DGLUCY: variants seen among roughly 807,000 people sequenced by gnomAD.
The protein encoded by DGLUCY is D-glutamate cyclase.
Under a neutral mutation model 58.5 loss-of-function variants are expected in DGLUCY, and 58 were observed. That is an observed-to-expected ratio of 0.99 (90% CI 0.80 to 1.23). The LOEUF is 1.23. Ranked by LOEUF, DGLUCY falls within the 50% of genes most tolerant of loss-of-function variation. The pLI, the probability that DGLUCY is intolerant of heterozygous loss-of-function variation, is 0.00. For synonymous variants in DGLUCY, 325 were observed against 314.1 expected (o/e 1.03, Z -0.37); for missense variants, 779 against 784.7 (o/e 0.99, Z 0.09).
intron 12 of DGLUCY, among the ~76,000 whole-genome samples, chr14:91,205,669 C>T (rs1343686303): frequency 6.6e-6 from 1 of 152,060 alleles, no homozygotes; most frequent in Non-Finnish European, 1.5e-5. Flanking sequence ...CAACCAAGTT[C>T]TCACAATGGA....
chr14:91,088,436 C>T (rs148568378), intron 1 of DGLUCY, among the ~76,000 whole-genome samples: 1 of 152,248 alleles, frequency 6.6e-6, no homozygotes, highest in East Asian at 1.9e-4. Flanking sequence ...TCTACTCAGT[C>T]ACTAGGACAG....
chr14:91,180,402 T>C (rs1275429428), intron 7 of DGLUCY, among the ~76,000 whole-genome samples: 1 of 151,088 alleles, frequency 6.6e-6, no homozygotes, highest in Non-Finnish European at 1.5e-5. Context: ...TAAAACACTG[T>C]CTCTACTAAA....
At chr14:91,218,603 A>G (rs1490859242) in intron 13 of DGLUCY, among the ~76,000 whole-genome samples, 2 of 151,894 alleles carry the variant, frequency 1.3e-5, no homozygotes, top group African/African-American at 4.8e-5. Flanking sequence ...GGGTTTCACC[A>G]TGTTGGCCAG....
chr14:91,086,135 T>A (rs2044214348), intron 1 of DGLUCY, among the ~76,000 whole-genome samples: 2 of 152,186 alleles, frequency 1.3e-5, no homozygotes, highest in Non-Finnish European at 2.9e-5. Context: ...TAATGCCTGA[T>A]GATCTGTCAC....
At chr14:91,086,596 T>TC (rs1206620398) in intron 1 of DGLUCY, among the ~76,000 whole-genome samples, 3 of 152,194 alleles carry the variant, frequency 2.0e-5, no homozygotes, top group African/African-American at 4.8e-5. Context: ...CATTTTTTTT[T>TC]CTGAATAATT....
chr14:91,132,361 T>TC (rs2046068711), intron 1 of DGLUCY, among the ~76,000 whole-genome samples: 1 of 152,104 alleles, frequency 6.6e-6, no homozygotes, highest in African/African-American at 2.4e-5. Flanking sequence ...GCCTAGGAGT[T>TC]CAAGACCAGG....
chr14:91,100,316 G>C lies in DGLUCY; in HGVS notation c.-82+39612G>C, dbSNP rs1237206463. Among the ~76,000 whole-genome samples the C allele has an allele frequency of 1.4e-4, 21 of 152,178 alleles. 1 individual carries two copies. The highest frequency in any genetic ancestry group is 1.4e-3 in the Admixed American group (21 of 15,274). On this transcript the variant is annotated intron_variant, in intron 1 of 4. Transcript: ENST00000521334. ...GGGTGTTCAGAAGAGGAGGAAGAGA[G>C]GGTGGAGAGATTACCAATTCAGTAA... is the stretch of plus-strand genomic sequence containing the variant.
intron 1 of DGLUCY, among the ~76,000 whole-genome samples, chr14:91,088,016 G>A (rs770649643): frequency 2.2e-4 from 33 of 152,142 alleles, no homozygotes; most frequent in Non-Finnish European, 4.1e-4. Flanking sequence ...ATCTTGGGGA[G>A]GTGAAAGCAG....
chr14:91,064,013 A>G (rs898841238), intron 1 of DGLUCY, among the ~76,000 whole-genome samples: 1 of 152,232 alleles, frequency 6.6e-6, no homozygotes, highest in Non-Finnish European at 1.5e-5. Flanking sequence ...GAACATTTCT[A>G]TGTTTATATT....
At chr14:91,108,526 T>TGTGTGTGTGTGTGTGTGAGA (rs1265665234) in intron 1 of DGLUCY, among the ~76,000 whole-genome samples, 1 of 52,122 alleles carries the variant, frequency 1.9e-5, no homozygotes, top group Non-Finnish European at 3.8e-5. Context: ...TGTGTGTGTG[T>TGTGTGTGTGTGTGTGTGAGA]GAGAGAGAGA....
chr14:91,089,388 C>G (rs2140061868), intron 1 of DGLUCY, among the ~76,000 whole-genome samples: 1 of 152,334 alleles, frequency 6.6e-6, no homozygotes. Context: ...GTCTCTGGTT[C>G]TCATCATGTC....
At chr14:91,223,424 ACCT>A (rs1414108260) in intron 13 of DGLUCY, among the ~76,000 whole-genome samples, 1 of 151,846 alleles carries the variant, frequency 6.6e-6, no homozygotes, top group Non-Finnish European at 1.5e-5. Context: ...CCCTCCTCTC[ACCT>A]CCTGCCTTTG....
intron 1 of DGLUCY, among the ~76,000 whole-genome samples, chr14:91,083,961 C>T (rs2044170100): frequency 6.6e-6 from 1 of 152,096 alleles, no homozygotes; most frequent in Admixed American, 6.6e-5. Context: ...TGATCTTGTT[C>T]ATCTGTGTAT....
chr14:91,202,158 C>T (rs2050613931), intron 11 of DGLUCY, among the ~76,000 whole-genome samples: 1 of 152,052 alleles, frequency 6.6e-6, no homozygotes, highest in Admixed American at 6.6e-5. Context: ...GTTTAAGCTT[C>T]TGTGAAAACC....
intron 1 of DGLUCY, among the ~76,000 whole-genome samples, chr14:91,092,058 C>T (rs960869102): frequency 6.6e-6 from 1 of 152,220 alleles, no homozygotes; most frequent in African/African-American, 2.4e-5. Context: ...CCTGCCTCTA[C>T]CTACCTGGAG....
chr14:91,199,716 T>C lies in DGLUCY; in HGVS notation c.1296-41T>C, dbSNP rs560067120. On this transcript the variant is annotated intron_variant, in intron 10 of 13. Coordinates refer to ENST00000256324, the MANE Select transcript of DGLUCY (RefSeq NM_001102368.3). ...CATGACCCAGCAAAGCAGCCACCTC[T>C]CCATAGGACCCTCTGACCTCTGACC... is the stretch of plus-strand genomic sequence containing the variant. 2.2e-5 allele frequency: 35 copies of C among 1,600,258 alleles called. No homozygotes were observed. The South Asian group carries it at 2.8e-4, about 13-fold the overall frequency.
At chr14:91,145,031 A>G (rs561041823) in intron 1 of DGLUCY, among the ~76,000 whole-genome samples, 1 of 152,158 alleles carries the variant, frequency 6.6e-6, no homozygotes, top group African/African-American at 2.4e-5. Context: ...GTTTCCTCCT[A>G]TTATAGAGCC....
At chr14:91,135,180 C>G (rs2046256353) in intron 1 of DGLUCY, among the ~76,000 whole-genome samples, 1 of 152,126 alleles carries the variant, frequency 6.6e-6, no homozygotes, top group Admixed American at 6.6e-5. Context: ...CCTGCCTCAT[C>G]CTCCCAAAGT....
At chr14:91,188,329 A>T (rs1566992937) in intron 8 of DGLUCY, among the ~76,000 whole-genome samples, 1 of 152,170 alleles carries the variant, frequency 6.6e-6, no homozygotes. Context: ...GATCCAATAC[A>T]GAGAACCCAA....
Sources: allele counts gnomAD v4.1 joint callset (sites outside exome capture counted in the v4.1 genomes callset), GRCh38; gene constraint gnomAD v4.1.1; transcripts MANE v1.5; gene names NCBI Gene and HGNC (gene_info 2026-07-23, HGNC 2026-07-21).